Variants in PGR observed in about 807,000 individuals in gnomAD.
The protein encoded by PGR is nuclear receptor subfamily 3 group C member 3.
A neutral mutation model predicts 76.1 loss-of-function variants in PGR; 25 were observed. The observed-to-expected ratio is 0.33, with a 90% CI of 0.24 to 0.46. PGR has a LOEUF of 0.46. Ranked by LOEUF, PGR falls within the 20% of genes least tolerant of loss-of-function variation. The pLI is 1.00. For missense variants in PGR, 1,172 were observed against 1,225.3 expected (o/e 0.96, Z 0.65); for synonymous variants, 579 against 535.0 (o/e 1.08, Z -1.14).
chr11:101,122,392 G>A (rs1236549186), intron 2 of PGR, among the ~76,000 whole-genome samples: 1 of 152,202 alleles, frequency 6.6e-6, no homozygotes, highest in Non-Finnish European at 1.5e-5. Flanking sequence ...TGGATGCCTA[G>A]TATATTCCTA....
intron 3 of PGR, among the ~76,000 whole-genome samples, chr11:101,074,725 C>T (rs530746656): frequency 6.6e-6 from 1 of 152,220 alleles, no homozygotes; most frequent in Non-Finnish European, 1.5e-5. Flanking sequence ...CTCCCATTCA[C>T]AATTGCTACA....
intron 3 of PGR, among the ~76,000 whole-genome samples, chr11:101,072,892 C>A (rs1860990853): frequency 6.6e-6 from 1 of 152,184 alleles, no homozygotes; most frequent in African/African-American, 2.4e-5. Context: ...TAACACCCTA[C>A]TGTCAATATT....
intron 2 of PGR, among the ~76,000 whole-genome samples, chr11:101,096,149 C>T (rs1252965872): frequency 6.6e-6 from 1 of 151,904 alleles, no homozygotes; most frequent in East Asian, 1.9e-4. Context: ...CTTAGATGTC[C>T]AATATTTAAA....
Position 101,062,727 on chromosome 11 carries a change from T to G in PGR, c.1932A>C (p.Lys644Asn). The G allele has an allele frequency of 6.2e-7, 1 of 1,611,994 alleles. No individual in the cohort carries two copies. ...CATCCAGTGCTCTCACAACTCTGAC[T>G]TTATTGAACTTTTTAAATTTTCGAC... Reference protein sequence around the residue: ...LGGRKFKKFNKVRVVRALDAV... With the variant: ...LGGRKFKKFNNVRVVRALDAV... Residue 644 changes from lysine (K) to asparagine (N), a missense_variant, in exon 4 of 8, where the codon AAA (lysine) becomes AAC (asparagine). By Grantham distance (94) the Lys-to-Asn change is moderately conservative (BLOSUM62 0). Around this residue, in one of 4 missense-constraint regions of PGR, gnomAD observed 73 missense variants for 60.7 expected, o/e 1.20. Coordinates refer to ENST00000325455, the MANE Select transcript of PGR (RefSeq NM_000926.4).
chr11:101,096,231 C>A (rs928166170), intron 2 of PGR, among the ~76,000 whole-genome samples: 1 of 152,026 alleles, frequency 6.6e-6, no homozygotes, highest in African/African-American at 2.4e-5. Flanking sequence ...GGGGTTGGCA[C>A]GACTCATATC....
Position 101,033,477 on chromosome 11 carries a change from GACTA to G in PGR, c.*5635_*5638del, listed in dbSNP as rs1055388225. The G allele has an allele frequency of 1.3e-4, 25 of 189,800 alleles. No individual in the cohort carries two copies. The highest frequency in any genetic ancestry group is 1.9e-3 in the Middle Eastern group (1 of 520). 11.8% of individuals were successfully genotyped at this position (189,800 alleles called of 1,614,324 possible). On this transcript the variant is annotated 3_prime_UTR_variant, in exon 8 of 8. Transcript: ENST00000325455. ...AGGAAAGCTATGATAGAAGTCCATT[GACTA>G]ACTATTATTTAAAAAGCAATGACAT...
rs572258805 is a variant in PGR, at chr11:101,075,516, C to A, written c.1907-12764G>T. ...CCTTCTGCACAGCAAAAGAAACTAT[C>A]ATCAGAGTGAACAGGCAACCTACAG... On this transcript the variant is annotated intron_variant, in intron 3 of 7. Transcript: ENST00000325455. 7.0e-4 allele frequency among the ~76,000 whole-genome samples: 106 copies of A among 151,620 alleles called. 1 individual carries two copies. Among genetic ancestry groups the A allele is most frequent in the Admixed American group, 1.3e-3 (20 of 15,180 alleles).
At position 101,034,855 on chromosome 11, in the gene PGR, A is replaced by G. The variant is rs1859458535; in HGVS notation, c.*4261T>C. The G allele has an allele frequency of 5.5e-6, 1 of 180,388 alleles. No homozygotes were observed. Among genetic ancestry groups the G allele is most frequent in the Non-Finnish European group, 1.2e-5 (1 of 84,392 alleles). The allele number at this position is 180,388 out of a possible 1,614,324, so 11.2% of individuals were successfully genotyped here. ...CAATTTTGTATTTAGTAAGGACCAT[A>G]GAGTGTGGAATAATGGTACATTAAA... On this transcript the variant is annotated 3_prime_UTR_variant, in exon 8 of 8. Coordinates refer to ENST00000325455, the MANE Select transcript of PGR (RefSeq NM_000926.4).
At position 101,030,494 on chromosome 11, in the gene PGR, C is replaced by G; in HGVS notation, c.*8622G>C. On this transcript the variant is annotated 3_prime_UTR_variant, in exon 8 of 8. Transcript: ENST00000325455. ...GAGTCTCACCCTCTTGACAGAAAAC[C>G]TCATATGAATACCCAAACCACTTTG... 1 of 231,218 alleles carries G rather than the reference C, an allele frequency of 4.3e-6. No homozygotes were observed. The highest frequency in any genetic ancestry group is 6.2e-5 in the East Asian group (1 of 16,256). The allele number at this position is 231,218 out of a possible 1,614,324, so 14.3% of individuals were successfully genotyped here. A position where few individuals can be genotyped will look rare whatever the true frequency, so the allele number is the denominator to read the frequency against.
chr11:101,097,568 G>A (rs972442649), intron 2 of PGR, among the ~76,000 whole-genome samples: 2 of 151,870 alleles, frequency 1.3e-5, no homozygotes, highest in African/African-American at 2.4e-5. Flanking sequence ...CTATTGTTTC[G>A]CTTATATTTG....
At chr11:101,049,225 A>G (rs558619385) in intron 6 of PGR, among the ~76,000 whole-genome samples, 1 of 152,108 alleles carries the variant, frequency 6.6e-6, no homozygotes, top group African/African-American at 2.4e-5. Flanking sequence ...GAAGGTCTTC[A>G]GGGGGCAGTA....
intron 3 of PGR, among the ~76,000 whole-genome samples, chr11:101,065,203 T>G (rs1052004988): frequency 2.0e-5 from 3 of 152,244 alleles, no homozygotes; most frequent in Admixed American, 6.5e-5. Context: ...CACTCACTAA[T>G]GTAGATCTGA....
intron 4 of PGR, among the ~76,000 whole-genome samples, chr11:101,052,587 A>G (rs1003718762): frequency 2.6e-5 from 4 of 152,096 alleles, no homozygotes; most frequent in Admixed American, 2.0e-4. Flanking sequence ...AATGGGAGTG[A>G]CATAGCCTTG....
chr11:101,116,617 G>A lies in PGR; in HGVS notation c.1789+9390C>T, dbSNP rs373732757. On this transcript the variant is annotated intron_variant, in intron 2 of 7. Coordinates refer to ENST00000325455, the MANE Select transcript of PGR (RefSeq NM_000926.4). ...TAGCTGGGCATGGTGGTGGGCACCT[G>A]TAATCCCAGCTATTCGGGAGGCTGA... Among the ~76,000 whole-genome samples, 23 of 151,918 alleles carry A rather than the reference G, an allele frequency of 1.5e-4. No individual in the cohort carries two copies. In the South Asian group the frequency reaches 4.8e-3, roughly 32 times the overall value.
At chr11:101,055,414 C>CAA (rs61303675) in intron 4 of PGR, among the ~76,000 whole-genome samples, 24 of 65,042 alleles carry the variant, frequency 3.7e-4, no homozygotes, top group African/African-American at 7.2e-4. Flanking sequence ...GACTCCATCT[C>CAA]AAAAAAAAAA....
At chr11:101,099,500 T>A (rs1267059623) in intron 2 of PGR, among the ~76,000 whole-genome samples, 1 of 152,170 alleles carries the variant, frequency 6.6e-6, no homozygotes, top group Admixed American at 6.5e-5. Context: ...TACCTACTGA[T>A]AAGCTCTACA....
intron 3 of PGR, among the ~76,000 whole-genome samples, chr11:101,084,665 A>C (rs1300527295): frequency 6.6e-6 from 1 of 151,880 alleles, no homozygotes; most frequent in Non-Finnish European, 1.5e-5. Context: ...CTAAAAAAAA[A>C]AAAAAGTCAC....
intron 3 of PGR, among the ~76,000 whole-genome samples, chr11:101,072,477 C>T (rs1465936457): frequency 2.6e-5 from 4 of 152,040 alleles, no homozygotes; most frequent in Non-Finnish European, 4.4e-5. Flanking sequence ...ACACATAATA[C>T]TATTACCCTT....
At chr11:101,114,571 C>G (rs1228407321) in intron 2 of PGR, among the ~76,000 whole-genome samples, 1 of 152,156 alleles carries the variant, frequency 6.6e-6, no homozygotes, top group African/African-American at 2.4e-5. Context: ...AATCTCTGTA[C>G]AAATATATTC....
Sources: allele counts gnomAD v4.1 joint callset (sites outside exome capture counted in the v4.1 genomes callset), GRCh38; gene constraint gnomAD v4.1.1; regional missense constraint gnomAD v4.1.1; transcripts MANE v1.5; gene names NCBI Gene and HGNC (gene_info 2026-07-23, HGNC 2026-07-21).